ABCA13: variants seen among roughly 807,000 people sequenced by gnomAD.
ABCA13 encodes the protein ATP binding cassette subfamily A member 13, also known as ATP-binding cassette sub-family A member 13.
Under a neutral mutation model 478.7 loss-of-function variants are expected in ABCA13, and 476 were observed. That is an observed-to-expected ratio of 0.99 (90% CI 0.92 to 1.07). The LOEUF (loss-of-function observed/expected upper bound fraction) is 1.07. Among genes scored for constraint, ABCA13 ranks in the 50% least tolerant of loss-of-function variants. ABCA13 has a pLI of 0.00. For synonymous variants in ABCA13, 2,252 were observed against 2,158.9 expected (o/e 1.04, Z -1.20); for missense variants, 6,060 against 5,910.6 (o/e 1.03, Z -0.83).
chr7:48,526,131 G>A (rs563733602), intron 54 of ABCA13, among the ~76,000 whole-genome samples: 1 of 152,212 alleles, frequency 6.6e-6, no homozygotes, highest in South Asian at 2.1e-4. Context: ...ATGTAAAAGG[G>A]GAGAAGTTAG....
At chr7:48,469,270 C>T (rs2130243996) in intron 44 of ABCA13, among the ~76,000 whole-genome samples, 1 of 152,260 alleles carries the variant, frequency 6.6e-6, no homozygotes, top group South Asian at 2.1e-4. Flanking sequence ...TCATTATTAG[C>T]CAAAAGGTGG....
At chr7:48,378,983 T>A (rs1292458269) in intron 35 of ABCA13, among the ~76,000 whole-genome samples, 1 of 152,098 alleles carries the variant, frequency 6.6e-6, no homozygotes, top group African/African-American at 2.4e-5. Flanking sequence ...GAGTGGGAGG[T>A]TTTATATTTT....
chr7:48,191,154 T>G (rs1797052065), intron 1 of ABCA13, among the ~76,000 whole-genome samples: 2 of 152,198 alleles, frequency 1.3e-5, no homozygotes, highest in African/African-American at 4.8e-5. Context: ...AATACTCCAG[T>G]AACTTATTAA....
chr7:48,416,213 C>A (rs529326919), intron 41 of ABCA13, among the ~76,000 whole-genome samples: 60 of 152,290 alleles, frequency 3.9e-4, no homozygotes, highest in African/African-American at 1.4e-3. Flanking sequence ...CTTAGACAGG[C>A]CTCTACAAAG....
At chr7:48,441,075 A>T (rs527587360) in intron 42 of ABCA13, among the ~76,000 whole-genome samples, 3 of 152,316 alleles carry the variant, frequency 2.0e-5, no homozygotes, top group African/African-American at 7.2e-5. Flanking sequence ...AACAAATTTG[A>T]TATGAGATTG....
chr7:48,283,800 G>A (rs1170098216), intron 19 of ABCA13, among the ~76,000 whole-genome samples: 1 of 152,172 alleles, frequency 6.6e-6, no homozygotes, highest in Non-Finnish European at 1.5e-5. Context: ...AAACATGACT[G>A]TTAAAACAAG....
intron 26 of ABCA13, among the ~76,000 whole-genome samples, chr7:48,315,723 C>T (rs565913419): frequency 6.6e-6 from 1 of 152,260 alleles, no homozygotes; most frequent in East Asian, 1.9e-4. Context: ...CGTGATCTGC[C>T]TGCCTCGGCC....
chr7:48,510,574 A>G (rs1349292788), intron 50 of ABCA13, among the ~76,000 whole-genome samples: 1 of 152,226 alleles, frequency 6.6e-6, no homozygotes, highest in African/African-American at 2.4e-5. Flanking sequence ...TCAGGCCACC[A>G]TAACAAAATA....
chr7:48,564,055 C>T (rs1786766851), intron 55 of ABCA13, among the ~76,000 whole-genome samples: 1 of 151,832 alleles, frequency 6.6e-6, no homozygotes, highest in Non-Finnish European at 1.5e-5. Flanking sequence ...AATAGATCTC[C>T]TTTCATCTTT....
At chr7:48,468,723 G>A (rs1827155498) in intron 44 of ABCA13, among the ~76,000 whole-genome samples, 1 of 152,116 alleles carries the variant, frequency 6.6e-6, no homozygotes, top group Admixed American at 6.5e-5. Context: ...TTAACTAGAG[G>A]AAACATTTTA....
intron 32 of ABCA13, among the ~76,000 whole-genome samples, chr7:48,369,450 C>T (rs910360422): frequency 3.9e-5 from 6 of 152,082 alleles, no homozygotes; most frequent in Admixed American, 3.9e-4. Flanking sequence ...GGTTCTTGGT[C>T]ATGAAGTATT....
At chr7:48,545,108 G>C (rs1585760348) in intron 55 of ABCA13, among the ~76,000 whole-genome samples, 1 of 151,808 alleles carries the variant, frequency 6.6e-6, no homozygotes, top group Non-Finnish European at 1.5e-5. Context: ...AAGGGGCAAA[G>C]CATATGTAAA....
intron 59 of ABCA13, among the ~76,000 whole-genome samples, chr7:48,629,557 G>C (rs1258438625): frequency 1.5e-5 from 1 of 65,960 alleles, no homozygotes; most frequent in Non-Finnish European, 3.0e-5. Flanking sequence ...AATTCCTAAA[G>C]CATCAGTTAC....
chr7:48,565,193 G>A (rs1180289178), intron 55 of ABCA13, among the ~76,000 whole-genome samples: 1 of 144,654 alleles, frequency 6.9e-6, no homozygotes, highest in Non-Finnish European at 1.5e-5. Context: ...TATGAACAGA[G>A]CATGTGTGTA....
At chr7:48,437,268 A>G (rs1822976669) in intron 42 of ABCA13, among the ~76,000 whole-genome samples, 1 of 152,020 alleles carries the variant, frequency 6.6e-6, no homozygotes, top group East Asian at 1.9e-4. Flanking sequence ...AAGGGTCAAC[A>G]TAATGTTCTT....
In ABCA13 at chr7:48,481,026, A is replaced by G. The variant is rs199979724; in HGVS notation, c.12976-10A>G. 8.4e-4 allele frequency: 1,315 copies of G among 1,557,376 alleles called. 3 individuals are homozygous for G. Among genetic ancestry groups the G allele is most frequent in the Non-Finnish European group, 1.1e-3 (1,225 of 1,146,854 alleles). On this transcript the variant is annotated splice_polypyrimidine_tract_variant and intron_variant, in intron 45 of 61. Coordinates refer to ENST00000435803, the MANE Select transcript of ABCA13 (RefSeq NM_152701.5). The stretch of plus-strand genomic sequence containing the variant: ...AAAGTTTGTTTTTATCTTTTTGAAA[A>G]CAATTTCAGAAGTGTCCAAATAGAA...
Position 48,352,413 on chromosome 7 carries a change from G to T in ABCA13, c.10614G>T (p.Val3538=). The T allele has an allele frequency of 6.2e-7, 1 of 1,613,284 alleles. No individual in the cohort carries two copies. The highest frequency in any genetic ancestry group is 1.3e-5 in the African/African-American group (1 of 74,808). ...QDMIERAIIL[V]QTGQEALEPA... is the part of the protein sequence containing the mutation. ...TGATCGAAAGAGCCATCATTTTGGT[G>T]CAGACTGGGCAGGAAGCCCTGGAAC... Residue 3538 remains valine, a synonymous_variant, in exon 31 of 62, where the codon GTG becomes GTT. Coordinates refer to ENST00000435803, the MANE Select transcript of ABCA13 (RefSeq NM_152701.5).
chr7:48,589,227 A>G (rs1048983762), intron 57 of ABCA13, among the ~76,000 whole-genome samples: 7 of 152,198 alleles, frequency 4.6e-5, no homozygotes, highest in Non-Finnish European at 7.3e-5. Context: ...AGAAATATTA[A>G]TTTATTTGAT....
At chr7:48,641,032 T>G (rs999060958) in intron 59 of ABCA13, among the ~76,000 whole-genome samples, 1 of 152,214 alleles carries the variant, frequency 6.6e-6, no homozygotes, top group Non-Finnish European at 1.5e-5. Flanking sequence ...CACAGTAAAG[T>G]TGGAATTCTT....
Sources: allele counts gnomAD v4.1 joint callset (sites outside exome capture counted in the v4.1 genomes callset), GRCh38; gene constraint gnomAD v4.1.1; transcripts MANE v1.5; gene names NCBI Gene and HGNC (gene_info 2026-07-23, HGNC 2026-07-21).